JARID2: variants seen among roughly 807,000 people sequenced by gnomAD.
The protein encoded by JARID2 is jumonji and AT-rich interaction domain containing 2.
A neutral mutation model predicts 125.6 loss-of-function variants in JARID2; 21 were observed. That is an observed-to-expected ratio of 0.17 (90% CI 0.12 to 0.24). The LOEUF is 0.24. JARID2 is among the 10% of genes least tolerant of loss of function. The probability of loss-of-function intolerance (pLI) is 1.00; values close to 1 mark genes in which losing one functional copy is unlikely to be tolerated. For synonymous variants in JARID2, 736 were observed against 661.6 expected (o/e 1.11, Z -1.73); for missense variants, 1,303 against 1,639.6 (o/e 0.79, Z 3.55).
intron 1 of JARID2, among the ~76,000 whole-genome samples, chr6:15,339,891 C>G (rs1274996674): frequency 1.3e-5 from 2 of 152,064 alleles, no homozygotes; most frequent in Admixed American, 1.3e-4. Context: ...TTTCTTTCAC[C>G]AGGGAGAAAA....
At chr6:15,250,858 C>A (rs1759419696) in intron 1 of JARID2, among the ~76,000 whole-genome samples, 1 of 152,016 alleles carries the variant, frequency 6.6e-6, no homozygotes, top group Admixed American at 6.6e-5. Flanking sequence ...GTTAAACTTT[C>A]CTCCTTCAGA....
intron 1 of JARID2, among the ~76,000 whole-genome samples, chr6:15,334,647 G>T (rs1288356980): frequency 6.6e-6 from 1 of 152,128 alleles, no homozygotes; most frequent in African/African-American, 2.4e-5. Context: ...GCCAAGTCAG[G>T]TACAGGCTGT....
intron 1 of JARID2, among the ~76,000 whole-genome samples, chr6:15,331,026 G>T (rs1179011068): frequency 6.6e-6 from 1 of 152,068 alleles, no homozygotes; most frequent in Non-Finnish European, 1.5e-5. Flanking sequence ...CGGTATTTCA[G>T]GAATTAACTA....
chr6:15,513,987 C>G (rs1462793078), intron 16 of JARID2, among the ~76,000 whole-genome samples: 1 of 152,262 alleles, frequency 6.6e-6, no homozygotes. Context: ...GCTTTTCTGG[C>G]ACAGCCACTC....
chr6:15,398,007 C>T (rs1038910338), intron 2 of JARID2, among the ~76,000 whole-genome samples: 2 of 152,162 alleles, frequency 1.3e-5, no homozygotes, highest in Non-Finnish European at 2.9e-5. Flanking sequence ...ATATAATAAG[C>T]AAGGCCACGG....
chr6:15,334,129 C>T (rs896220385), intron 1 of JARID2, among the ~76,000 whole-genome samples: 4 of 152,192 alleles, frequency 2.6e-5, no homozygotes, highest in African/African-American at 9.7e-5. Context: ...ATTGATCTGA[C>T]AGCGTGAAGA....
intron 5 of JARID2, among the ~76,000 whole-genome samples, chr6:15,472,955 C>T (rs1769148904): frequency 6.6e-6 from 1 of 152,224 alleles, no homozygotes; most frequent in Admixed American, 6.5e-5. Flanking sequence ...CAGAAAAATT[C>T]CATTTCCTGT....
chr6:15,392,469 GA>G (rs1765059463), intron 2 of JARID2, among the ~76,000 whole-genome samples: 1 of 152,066 alleles, frequency 6.6e-6, no homozygotes, highest in Non-Finnish European at 1.5e-5. Context: ...AGGTGGTGAG[GA>G]GGGGGTTCTA....
intron 1 of JARID2, among the ~76,000 whole-genome samples, chr6:15,297,224 C>T (rs751329708): frequency 2.6e-5 from 4 of 152,170 alleles, no homozygotes; most frequent in Non-Finnish European, 4.4e-5. Flanking sequence ...GATCTTGGCT[C>T]ACTGCAACTA....
At chr6:15,260,760 T>A (rs940113127) in intron 1 of JARID2, among the ~76,000 whole-genome samples, 1 of 152,210 alleles carries the variant, frequency 6.6e-6, no homozygotes, top group Non-Finnish European at 1.5e-5. Context: ...CCTGGTAAGC[T>A]GGAAAGCATT....
chr6:15,280,972 T>C (rs1423079439), intron 1 of JARID2, among the ~76,000 whole-genome samples: 2 of 152,154 alleles, frequency 1.3e-5, no homozygotes, highest in African/African-American at 4.8e-5. Flanking sequence ...ATTTTTGTCT[T>C]ATGCTGCAAA....
At position 15,429,557 on chromosome 6, in the gene JARID2, C is replaced by A. The variant is rs555692006; in HGVS notation, c.323+19192C>A. ...GTGCTGAGATTACAGACCTGAGCCA[C>A]CGCACTCCACTGAAAAGGAAACATT... is the stretch of plus-strand genomic sequence containing the variant. On this transcript the variant is annotated intron_variant, in intron 3 of 17. Coordinates refer to ENST00000341776, the MANE Select transcript of JARID2 (RefSeq NM_004973.4). Among the ~76,000 whole-genome samples the A allele has an allele frequency of 2.0e-5, 3 of 152,256 alleles. No homozygotes were observed. The South Asian group carries it at 6.2e-4, about 32-fold the overall frequency.
intron 1 of JARID2, among the ~76,000 whole-genome samples, chr6:15,297,570 G>T (rs1344544016): frequency 6.6e-6 from 1 of 151,564 alleles, no homozygotes; most frequent in Non-Finnish European, 1.5e-5. Flanking sequence ...TGAACTCCTG[G>T]CCTCAAGCAG....
chr6:15,364,079 T>C (rs1051348943), intron 1 of JARID2, among the ~76,000 whole-genome samples: 5 of 152,194 alleles, frequency 3.3e-5, no homozygotes, highest in African/African-American at 1.2e-4. Context: ...TGTGACAATA[T>C]ACGTATACTT....
At chr6:15,509,176 C>G in intron 12 of JARID2, 3 of 1,280,154 alleles carry the variant, frequency 2.3e-6, no homozygotes, top group African/African-American at 3.0e-5. Context: ...TCCTGACTCT[C>G]ACTGCACCCA....
At chr6:15,437,337 A>G (rs937914981) in intron 3 of JARID2, among the ~76,000 whole-genome samples, 1 of 152,162 alleles carries the variant, frequency 6.6e-6, no homozygotes, top group Non-Finnish European at 1.5e-5. Flanking sequence ...TGTCTCCTTC[A>G]TTATCCATTC....
chr6:15,469,394 TTCCCCCTC>T (rs1561884848), intron 5 of JARID2, among the ~76,000 whole-genome samples: 4 of 12,606 alleles, frequency 3.2e-4, no homozygotes, highest in African/African-American at 3.3e-4. Flanking sequence ...CTCTCCCCCT[TTCCCCCTC>T]TCCCCCTCTC....
At position 15,517,672 on chromosome 6, in the gene JARID2, A is replaced by G. The variant is rs567681036; in HGVS notation, c.3558+404A>G. 4.6e-5 allele frequency among the ~76,000 whole-genome samples: 7 copies of G among 152,322 alleles called. No individual in the cohort carries two copies. In the South Asian group the frequency reaches 1.2e-3, roughly 27 times the overall value. On this transcript the variant is annotated intron_variant, in intron 17 of 17. Coordinates refer to ENST00000341776, the MANE Select transcript of JARID2 (RefSeq NM_004973.4). ...GCCCCTTCAGGCTGAGAGAGCTGGA[A>G]GTGTCTGCGGACACTGGGGCAGGAC...
chr6:15,282,759 G>A (rs905757776), intron 1 of JARID2, among the ~76,000 whole-genome samples: 11 of 152,068 alleles, frequency 7.2e-5, no homozygotes, highest in Admixed American at 5.9e-4. Context: ...GCGCCACCAT[G>A]CTCAGCTAAT....
Sources: gnomAD v4.1 joint callset for allele counts (sites outside exome capture counted in the v4.1 genomes callset) on GRCh38, gnomAD v4.1.1 for gene constraint, MANE v1.5 for transcripts, NCBI Gene and HGNC (gene_info 2026-07-23, HGNC 2026-07-21) for gene names.